ZMAT4: variants seen among roughly 807,000 people sequenced by gnomAD.
The protein encoded by ZMAT4 is zinc finger matrin-type protein 4.
ZMAT4 carries 17 observed loss-of-function variants against 28.7 expected under a neutral mutation model. The ratio of observed to expected loss-of-function variants is 0.59; its 90% confidence interval spans 0.41 to 0.89. ZMAT4 has a LOEUF of 0.89. ZMAT4 is among the 40% of genes least tolerant of loss of function. The pLI, the probability that ZMAT4 is intolerant of heterozygous loss-of-function variation, is 0.00. For synonymous variants in ZMAT4, 117 were observed against 109.2 expected (o/e 1.07, Z -0.44); for missense variants, 240 against 283.8 (o/e 0.85, Z 1.11).
chr8:40,616,992 C>T (rs1453718835), intron 5 of ZMAT4, among the ~76,000 whole-genome samples: 3 of 151,620 alleles, frequency 2.0e-5, no homozygotes, highest in Non-Finnish European at 2.9e-5. Flanking sequence ...CATTCTCACT[C>T]ATGAAGAAAT....
intron 5 of ZMAT4, among the ~76,000 whole-genome samples, chr8:40,608,624 G>T (rs1454922380): frequency 6.6e-6 from 1 of 152,132 alleles, no homozygotes; most frequent in Non-Finnish European, 1.5e-5. Flanking sequence ...AGTCAGAATT[G>T]TTACAGAGTT....
chr8:40,830,688 A>G (rs1430484544), intron 1 of ZMAT4, among the ~76,000 whole-genome samples: 1 of 152,230 alleles, frequency 6.6e-6, no homozygotes, highest in Non-Finnish European at 1.5e-5. Context: ...AAACAAAAGC[A>G]TTATGTTAAA....
intron 2 of ZMAT4, among the ~76,000 whole-genome samples, chr8:40,784,293 C>T (rs1813970593): frequency 2.0e-5 from 3 of 152,222 alleles, no homozygotes; most frequent in Admixed American, 1.3e-4. Context: ...TTATTCACCA[C>T]ATTAATAGAC....
chr8:40,879,945 A>T (rs1433408487), intron 1 of ZMAT4, among the ~76,000 whole-genome samples: 1 of 152,204 alleles, frequency 6.6e-6, no homozygotes, highest in Non-Finnish European at 1.5e-5. Context: ...CTAGTTCTCC[A>T]CTGCTGGGGA....
chr8:40,738,611 A>G (rs1811873861), intron 3 of ZMAT4, among the ~76,000 whole-genome samples: 1 of 152,204 alleles, frequency 6.6e-6, no homozygotes, highest in Admixed American at 6.5e-5. Flanking sequence ...CCCCCCAGCA[A>G]GGGGCAGCCA....
intron 6 of ZMAT4, among the ~76,000 whole-genome samples, chr8:40,562,522 A>G (rs1025291167): frequency 1.3e-5 from 2 of 152,040 alleles, no homozygotes; most frequent in Admixed American, 1.3e-4. Flanking sequence ...CCCTTCCCCT[A>G]TGCATAGCAA....
chr8:40,565,160 C>T (rs772632551), intron 6 of ZMAT4, among the ~76,000 whole-genome samples: 15 of 152,128 alleles, frequency 9.9e-5, no homozygotes, highest in Non-Finnish European at 2.2e-4. Context: ...AAGTTTTAAA[C>T]CCTGGTTTCT....
At chr8:40,709,122 C>A (rs1810492562) in intron 3 of ZMAT4, among the ~76,000 whole-genome samples, 1 of 152,188 alleles carries the variant, frequency 6.6e-6, no homozygotes, top group South Asian at 2.1e-4. Flanking sequence ...ATATAACCTA[C>A]ATGCATCCTC....
intron 5 of ZMAT4, among the ~76,000 whole-genome samples, chr8:40,581,481 T>A (rs563115911): frequency 2.0e-5 from 3 of 152,200 alleles, no homozygotes; most frequent in Non-Finnish European, 4.4e-5. Context: ...CTGGAAGGCT[T>A]AAATTATTAG....
intron 6 of ZMAT4, among the ~76,000 whole-genome samples, chr8:40,568,952 C>A (rs534114513): frequency 5.3e-5 from 8 of 152,204 alleles, no homozygotes; most frequent in African/African-American, 1.9e-4. Context: ...TTGTTGCATC[C>A]CCTCAACTAG....
rs527747530 is a variant in ZMAT4 at position 40,776,929 on chromosome 8, T to C, written c.103-9199A>G. Among the ~76,000 whole-genome samples the C allele has an allele frequency of 3.3e-5, 5 of 152,020 alleles. No homozygotes were observed. In the East Asian group the frequency reaches 5.8e-4, roughly 18 times the overall value. The stretch of plus-strand genomic sequence containing the variant: ...GTGATAGCCACCGATTTCTTTCTTT[T>C]TTTTTTTTTTGTAAAGTCATGAGTT... On this transcript the variant is annotated intron_variant, in intron 2 of 6. Transcript: ENST00000297737.
chr8:40,719,718 C>T (rs1811001280), intron 3 of ZMAT4, among the ~76,000 whole-genome samples: 1 of 152,084 alleles, frequency 6.6e-6, no homozygotes, highest in Admixed American at 6.6e-5. Context: ...TACAGGTGTC[C>T]ACCACCACAC....
intron 1 of ZMAT4, among the ~76,000 whole-genome samples, chr8:40,830,429 A>C (rs1816238986): frequency 6.6e-6 from 1 of 152,066 alleles, no homozygotes; most frequent in South Asian, 2.1e-4. Flanking sequence ...AGAGCATGCA[A>C]TATTTGATTT....
At chr8:40,854,777 G>A (rs1817236645) in intron 1 of ZMAT4, among the ~76,000 whole-genome samples, 2 of 152,158 alleles carry the variant, frequency 1.3e-5, no homozygotes, top group Non-Finnish European at 2.9e-5. Context: ...GAAGGGAAAG[G>A]CAAAAGCCCC....
At chr8:40,629,886 T>C (rs112876529) in intron 5 of ZMAT4, among the ~76,000 whole-genome samples, 61 of 152,300 alleles carry the variant, frequency 4.0e-4, no homozygotes, top group Non-Finnish European at 8.2e-4. Context: ...TGTGTCTTTA[T>C]AGCAGCATGA....
At chr8:40,544,276 T>C (rs1384684350) in intron 6 of ZMAT4, among the ~76,000 whole-genome samples, 1 of 152,226 alleles carries the variant, frequency 6.6e-6, no homozygotes, top group Non-Finnish European at 1.5e-5. Flanking sequence ...CTGATAATTT[T>C]GAAAAGTCTC....
intron 5 of ZMAT4, among the ~76,000 whole-genome samples, chr8:40,650,199 A>G (rs1168298097): frequency 3.9e-5 from 6 of 152,230 alleles, no homozygotes; most frequent in Non-Finnish European, 8.8e-5. Flanking sequence ...AAAGAAAAAA[A>G]GAGGGAAGAA....
rs12056690 is a variant in ZMAT4 at position 40,590,564 on chromosome 8, G to A, written c.578-9303C>T. ...ACCTCCAGGCCATTTTAGACAGCAC[G>A]TCCTCTTTGTTGATAATTTTCTTAA... On this transcript the variant is annotated intron_variant, in intron 5 of 6. Transcript: ENST00000297737. 1.2e-3 allele frequency among the ~76,000 whole-genome samples: 175 copies of A among 152,116 alleles called. 2 individuals are homozygous for A. The East Asian group carries it at 0.028, about 25-fold the overall frequency.
chr8:40,592,527 G>GTA (rs1446208380), intron 5 of ZMAT4, among the ~76,000 whole-genome samples: 1 of 152,204 alleles, frequency 6.6e-6, no homozygotes, highest in African/African-American at 2.4e-5. Flanking sequence ...TATTTAAATA[G>GTA]TATATATGCA....
Sources: gnomAD v4.1 joint callset for allele counts (sites outside exome capture counted in the v4.1 genomes callset) on GRCh38, gnomAD v4.1.1 for gene constraint, MANE v1.5 for transcripts, NCBI Gene and HGNC (gene_info 2026-07-23, HGNC 2026-07-21) for gene names.